RALGPS2: variants seen among roughly 807,000 people sequenced by gnomAD.
RALGPS2 encodes the protein ras-specific guanine nucleotide-releasing factor RalGPS2.
RALGPS2 carries 43 observed loss-of-function variants against 86.8 expected under a neutral mutation model. The ratio of observed to expected loss-of-function variants is 0.50; its 90% CI spans 0.39 to 0.64. The LOEUF (loss-of-function observed/expected upper bound fraction) is 0.64, where lower values mean the gene tolerates loss of function less well. Among genes scored for constraint, RALGPS2 ranks in the 30% least tolerant of loss-of-function variants. RALGPS2 has a pLI of 0.00. For missense variants in RALGPS2, 536 were observed against 694.6 expected (o/e 0.77, Z 2.57); for synonymous variants, 243 against 231.3 (o/e 1.05, Z -0.46).
intron 8 of RALGPS2, among the ~76,000 whole-genome samples, chr1:178,858,433 G>T (rs566649757): frequency 6.6e-6 from 1 of 152,166 alleles, no homozygotes; most frequent in South Asian, 2.1e-4. Context: ...TCACAGGTTT[G>T]CATATTTTCA....
intron 7 of RALGPS2, among the ~76,000 whole-genome samples, chr1:178,830,652 C>G: frequency 6.6e-6 from 1 of 152,078 alleles, no homozygotes; most frequent in East Asian, 1.9e-4. Flanking sequence ...GTGAATATCT[C>G]TCTGGTTTGG....
Position 178,732,368 on chromosome 1 carries a change from G to A in RALGPS2, c.-84+6949G>A, listed in dbSNP as rs182427327. Among the ~76,000 whole-genome samples, 445 of 152,008 alleles carry A rather than the reference G, an allele frequency of 2.9e-3. 1 individual carries two copies. The highest frequency in any genetic ancestry group is 6.8e-3 in the Middle Eastern group (2 of 294). On this transcript the variant is annotated intron_variant, in intron 1 of 19. Transcript: ENST00000367635. ...GGCTGGAGTGCAGTGGCGCGATCTC[G>A]GCTCACTGCAACTTCCATCTCCTGG...
chr1:178,736,168 T>G (rs1011142188), intron 1 of RALGPS2, among the ~76,000 whole-genome samples: 10 of 151,206 alleles, frequency 6.6e-5, no homozygotes, highest in South Asian at 2.1e-4. Flanking sequence ...GTGGGTTGTT[T>G]TTTTTTTTTT....
At chr1:178,853,858 A>C in intron 8 of RALGPS2, 1 of 1,266,352 alleles carries the variant, frequency 7.9e-7, no homozygotes, top group Non-Finnish European at 1.1e-6. Flanking sequence ...TTTTTAATCA[A>C]GATTTTTACC....
In RALGPS2 at chr1:178,875,616, C is replaced by T. The variant is rs1329803172; in HGVS notation, c.608-1882C>T. Among the ~76,000 whole-genome samples the T allele has an allele frequency of 1.3e-5, 2 of 152,002 alleles. 1 individual carries two copies. The highest frequency in any genetic ancestry group is 3.9e-4 in the East Asian group (2 of 5,152). ...TGCAAGAACTACCCAGGCGTGGTTG[C>T]GCATGCCTGTCATCTCAGCTATTCG... is the stretch of plus-strand genomic sequence containing the variant. On this transcript the variant is annotated intron_variant, in intron 8 of 19. Transcript: ENST00000367635.
intron 1 of RALGPS2, among the ~76,000 whole-genome samples, chr1:178,758,342 A>G (rs551496623): frequency 2.4e-4 from 37 of 152,296 alleles, no homozygotes; most frequent in Admixed American, 1.4e-3. Context: ...CGTAATAATC[A>G]TCTCGTGGTA....
At chr1:178,753,779 TG>T (rs1651804804) in intron 1 of RALGPS2, 1 of 152,094 alleles carries the variant, frequency 6.6e-6, no homozygotes, top group African/African-American at 2.4e-5. Context: ...GCATTAGAGT[TG>T]TACTGTCTAT....
chr1:178,865,716 A>C, intron 8 of RALGPS2: 1 of 1,613,644 alleles, frequency 6.2e-7, no homozygotes, highest in Non-Finnish European at 8.5e-7. Context: ...CCACCTCTGC[A>C]ATGTCCAGTG....
rs1334917985 is a variant in RALGPS2, at chr1:178,916,457, G to A, written c.*98G>A. ...TATAAACCATCCTGTGCCAGGAAGA[G>A]CCCAGAGGCTCTGTCTCAGTCGTTG... On this transcript the variant is annotated 3_prime_UTR_variant, in exon 20 of 20. Coordinates refer to ENST00000367635, the MANE Select transcript of RALGPS2 (RefSeq NM_152663.5). The A allele has an allele frequency of 8.6e-7, 1 of 1,162,566 alleles. No individual in the cohort carries two copies. The highest frequency in any genetic ancestry group is 2.5e-5 in the Admixed American group (1 of 39,542). 72.0% of individuals were successfully genotyped at this position (1,162,566 alleles called of 1,614,324 possible). A position where few individuals can be genotyped will look rare whatever the true frequency, so the allele number is the denominator to read the frequency against.
chr1:178,889,383 AT>A (rs1298943145), intron 13 of RALGPS2, among the ~76,000 whole-genome samples: 6 of 152,176 alleles, frequency 3.9e-5, no homozygotes, highest in African/African-American at 1.4e-4. Context: ...GACATAATGA[AT>A]TTCAGCTACA....
chr1:178,763,313 C>T (rs1652339196), intron 1 of RALGPS2, among the ~76,000 whole-genome samples: 1 of 152,158 alleles, frequency 6.6e-6, no homozygotes, highest in African/African-American at 2.4e-5. Flanking sequence ...CTTAGGCTTG[C>T]ATTCACTATT....
chr1:178,848,467 A>G (rs1175408871), intron 8 of RALGPS2, among the ~76,000 whole-genome samples: 1 of 152,102 alleles, frequency 6.6e-6, no homozygotes, highest in East Asian at 1.9e-4. Flanking sequence ...TACCACACAA[A>G]TGAGCTAACC....
In RALGPS2 at chr1:178,919,519, T is replaced by C. The variant is rs1056663895; in HGVS notation, c.*3160T>C. The C allele has an allele frequency of 6.6e-6, 1 of 152,004 alleles. No homozygotes were observed. The highest frequency in any genetic ancestry group is 1.5e-5 in the Non-Finnish European group (1 of 67,904). 9.4% of individuals were successfully genotyped at this position (152,004 alleles called of 1,614,324 possible). Reference sequence around the variant, plus strand: ...CAGGAGGAAAAAAGAATGGAAAACATGTTTACAGACTCTAGCTTTCCTTAT... The same window carrying C: ...CAGGAGGAAAAAAGAATGGAAAACACGTTTACAGACTCTAGCTTTCCTTAT... On this transcript the variant is annotated 3_prime_UTR_variant, in exon 20 of 20. Coordinates refer to ENST00000367635, the MANE Select transcript of RALGPS2 (RefSeq NM_152663.5).
intron 1 of RALGPS2, among the ~76,000 whole-genome samples, chr1:178,764,930 A>G (rs571936752): frequency 3.3e-5 from 5 of 152,080 alleles, no homozygotes; most frequent in Admixed American, 1.3e-4. Flanking sequence ...CTGTCTCATG[A>G]TAGAGTTCTC....
At chr1:178,913,045 G>A (rs1277389380) in intron 19 of RALGPS2, among the ~76,000 whole-genome samples, 2 of 152,118 alleles carry the variant, frequency 1.3e-5, no homozygotes, top group Admixed American at 1.3e-4. Flanking sequence ...ACTTTGGGAG[G>A]CCAAGGCAGG....
chr1:178,751,179 G>T (rs1268318936), intron 1 of RALGPS2, among the ~76,000 whole-genome samples: 1 of 151,636 alleles, frequency 6.6e-6, no homozygotes, highest in South Asian at 2.1e-4. Context: ...TTTCTACAAA[G>T]AACCAACATT....
chr1:178,831,567 C>T (rs1656018412), intron 7 of RALGPS2, among the ~76,000 whole-genome samples: 1 of 151,944 alleles, frequency 6.6e-6, no homozygotes, highest in African/African-American at 2.4e-5. Context: ...CCCCATTTGT[C>T]ATGCTCTTGG....
intron 19 of RALGPS2, among the ~76,000 whole-genome samples, chr1:178,912,673 G>C (rs1034164922): frequency 6.6e-6 from 1 of 152,052 alleles, no homozygotes; most frequent in African/African-American, 2.4e-5. Context: ...TGCTCATCTT[G>C]TATAGTATCT....
chr1:178,823,197 A>G (rs1166288155), intron 7 of RALGPS2, among the ~76,000 whole-genome samples: 1 of 152,164 alleles, frequency 6.6e-6, no homozygotes, highest in Non-Finnish European at 1.5e-5. Flanking sequence ...CCTTGAAGAT[A>G]TTTTCATTGC....
Sources: allele counts gnomAD v4.1 joint callset (sites outside exome capture counted in the v4.1 genomes callset), GRCh38; gene constraint gnomAD v4.1.1; transcripts MANE v1.5; gene names NCBI Gene and HGNC (gene_info 2026-07-23, HGNC 2026-07-21).